DOCK3: variants seen among roughly 807,000 people sequenced by gnomAD.
The protein encoded by DOCK3 is dedicator of cytokinesis 3.
In DOCK3, 60 loss-of-function variants were observed where a neutral mutation model predicts 265.6. That is an observed-to-expected ratio of 0.23 (90% CI 0.18 to 0.28). The LOEUF (loss-of-function observed/expected upper bound fraction) is 0.28. Among genes scored for constraint, DOCK3 ranks in the 10% least tolerant of loss-of-function variants. The pLI, the probability that DOCK3 is intolerant of heterozygous loss-of-function variation, is 1.00. For missense variants in DOCK3, 1,981 were observed against 2,594.3 expected (o/e 0.76, Z 5.14); for synonymous variants, 881 against 938.0 (o/e 0.94, Z 1.11).
At chr3:51,328,630 A>G (rs2084314150) in intron 32 of DOCK3, among the ~76,000 whole-genome samples, 2 of 150,718 alleles carry the variant, frequency 1.3e-5, no homozygotes, top group Non-Finnish European at 2.9e-5. Context: ...AAGAGAGGCT[A>G]TATTTATTTC....
intron 3 of DOCK3, among the ~76,000 whole-genome samples, chr3:50,888,746 A>G (rs991411144): frequency 2.6e-5 from 4 of 152,190 alleles, no homozygotes; most frequent in Non-Finnish European, 5.9e-5. Flanking sequence ...ACCTGAGAAA[A>G]ACAAGCAATG....
chr3:50,960,944 G>A (rs774497483), intron 5 of DOCK3, among the ~76,000 whole-genome samples: 13 of 151,946 alleles, frequency 8.6e-5, no homozygotes, highest in South Asian at 8.3e-4. Context: ...TTCTTTCCCC[G>A]CATTGAGTTG....
chr3:51,097,784 C>T (rs1576064753), intron 9 of DOCK3, among the ~76,000 whole-genome samples: 2 of 152,202 alleles, frequency 1.3e-5, no homozygotes, highest in Non-Finnish European at 2.9e-5. Flanking sequence ...TTGCGAAGAC[C>T]GTGGGGAAAG....
intron 2 of DOCK3, among the ~76,000 whole-genome samples, chr3:50,834,995 G>A (rs1485583748): frequency 6.6e-6 from 1 of 152,098 alleles, no homozygotes; most frequent in East Asian, 1.9e-4. Flanking sequence ...TTGCCCATAA[G>A]GTAGATTCTC....
intron 1 of DOCK3, among the ~76,000 whole-genome samples, chr3:50,753,337 A>G (rs2039954516): frequency 6.6e-6 from 1 of 152,022 alleles, no homozygotes; most frequent in Non-Finnish European, 1.5e-5. Context: ...GTGTCACTCC[A>G]TAGGTGAATT....
At chr3:50,948,658 T>C (rs1248986088) in intron 5 of DOCK3, among the ~76,000 whole-genome samples, 1 of 152,062 alleles carries the variant, frequency 6.6e-6, no homozygotes, top group African/African-American at 2.4e-5. Context: ...TTTTATTTTT[T>C]TCTTGAGACC....
At chr3:50,945,320 T>C (rs1449222988) in intron 5 of DOCK3, among the ~76,000 whole-genome samples, 1 of 152,184 alleles carries the variant, frequency 6.6e-6, no homozygotes, top group Non-Finnish European at 1.5e-5. Context: ...GTTTACCATA[T>C]AGTTTGTTTT....
At chr3:50,699,915 C>A (rs1443999716) in intron 1 of DOCK3, among the ~76,000 whole-genome samples, 1 of 152,088 alleles carries the variant, frequency 6.6e-6, no homozygotes, top group East Asian at 1.9e-4. Flanking sequence ...ACAATGTTTA[C>A]TGAGCAAATT....
rs530078023 is a variant in DOCK3 at position 50,701,347 on chromosome 3, G to A, written c.37+26047G>A. Among the ~76,000 whole-genome samples the A allele has an allele frequency of 4.6e-5, 7 of 152,176 alleles. 2 individuals are homozygous for A. The highest frequency in any genetic ancestry group is 1.7e-4 in the African/African-American group (7 of 41,540). ...TGCTCAGGTTGGTCTTGAACCTGTG[G>A]CCTCAAGTGATCTTCCCGCCTTGGC... is the stretch of plus-strand genomic sequence containing the variant. On this transcript the variant is annotated intron_variant, in intron 1 of 52. Coordinates refer to ENST00000266037, the MANE Select transcript of DOCK3 (RefSeq NM_004947.5).
intron 2 of DOCK3, among the ~76,000 whole-genome samples, chr3:50,837,276 G>T (rs993915264): frequency 2.0e-5 from 3 of 152,168 alleles, no homozygotes; most frequent in African/African-American, 7.2e-5. Context: ...GTATTAGTCT[G>T]TTCTCATGCT....
intron 1 of DOCK3, among the ~76,000 whole-genome samples, chr3:50,723,406 C>T (rs1326384896): frequency 1.3e-5 from 2 of 152,170 alleles, no homozygotes; most frequent in African/African-American, 4.8e-5. Context: ...TGTGGTGGCT[C>T]ATGCCTGTAA....
At chr3:51,097,848 T>C (rs1185794868) in intron 9 of DOCK3, among the ~76,000 whole-genome samples, 3 of 152,172 alleles carry the variant, frequency 2.0e-5, no homozygotes, top group Non-Finnish European at 1.5e-5. Context: ...CCTCACGGCT[T>C]TCCTTGGCTA....
intron 1 of DOCK3, among the ~76,000 whole-genome samples, chr3:50,726,420 T>C (rs1056517619): frequency 2.1e-4 from 32 of 152,140 alleles, no homozygotes; most frequent in African/African-American, 7.0e-4. Context: ...GAAGTCCATG[T>C]ACATACCAGG....
chr3:51,169,974 A>G (rs1483701407), intron 12 of DOCK3, among the ~76,000 whole-genome samples: 1 of 151,588 alleles, frequency 6.6e-6, no homozygotes, highest in African/African-American at 2.4e-5. Context: ...TGTTCATCAG[A>G]CTTGTAATTT....
intron 9 of DOCK3, among the ~76,000 whole-genome samples, chr3:51,136,830 A>G (rs2084829045): frequency 6.6e-6 from 1 of 152,130 alleles, no homozygotes; most frequent in Admixed American, 6.6e-5. Flanking sequence ...AGGCCTAACT[A>G]TGGAGGATTC....
intron 3 of DOCK3, among the ~76,000 whole-genome samples, chr3:50,861,017 G>A (rs1036265483): frequency 6.6e-6 from 1 of 152,192 alleles, no homozygotes; most frequent in African/African-American, 2.4e-5. Flanking sequence ...GAGACTCTAC[G>A]TAGCTCAGAC....
intron 26 of DOCK3, 21 bp from the exon 27 acceptor site, chr3:51,280,085 T>A: frequency 6.2e-7 from 1 of 1,607,740 alleles, no homozygotes; most frequent in Non-Finnish European, 8.5e-7. Flanking sequence ...ATGCTAAGTG[T>A]TTTTTTGGGT....
At chr3:51,177,563 A>G (rs981786934) in intron 12 of DOCK3, among the ~76,000 whole-genome samples, 2 of 152,254 alleles carry the variant, frequency 1.3e-5, no homozygotes, top group Non-Finnish European at 2.9e-5. Flanking sequence ...AGGTACAGGT[A>G]AGAACAAACC....
intron 1 of DOCK3, among the ~76,000 whole-genome samples, chr3:50,702,012 C>T (rs1448117544): frequency 6.6e-6 from 1 of 152,126 alleles, no homozygotes; most frequent in Admixed American, 6.5e-5. Flanking sequence ...ATGCCTCTAG[C>T]TTTGTTCTTT....
Sources: allele counts gnomAD v4.1 joint callset (sites outside exome capture counted in the v4.1 genomes callset), GRCh38; gene constraint gnomAD v4.1.1; transcripts MANE v1.5; gene names NCBI Gene and HGNC (gene_info 2026-07-23, HGNC 2026-07-21).